The following PLCB1 variants were observed in gnomAD, a reference collection of about 807,000 sequenced individuals.
The protein encoded by PLCB1 is phospholipase C beta 1.
A neutral mutation model predicts 161.8 loss-of-function variants in PLCB1; 46 were observed. The observed-to-expected ratio is 0.28, with a 90% CI of 0.22 to 0.36. The LOEUF is 0.36. Among genes scored for constraint, PLCB1 ranks in the 10% least tolerant of loss-of-function variants. PLCB1 has a pLI of 1.00. For missense variants in PLCB1, 1,016 were observed against 1,472.5 expected, an observed-to-expected ratio of 0.69 and a Z score of 5.07; for synonymous variants, 517 against 503.7, an observed-to-expected ratio of 1.03 and a Z score of -0.35.
At position 8,732,337 on chromosome 20, in the gene PLCB1, G is replaced by C. The variant is rs551614622; in HGVS notation, c.1889-901G>C. On this transcript the variant is annotated intron_variant, in intron 18 of 31. Coordinates refer to ENST00000338037, the MANE Select transcript of PLCB1 (RefSeq NM_015192.4). ...TTTAAGCTTTCTGAAGGGCATTTTA[G>C]CAAGGCATCAAAGAAAAATTTTCCA... Among the ~76,000 whole-genome samples the C allele has an allele frequency of 2.5e-4, 38 of 152,066 alleles. No homozygotes were observed. In the East Asian group the frequency reaches 3.5e-3, roughly 14 times the overall value.
chr20:8,820,995 A>G (rs1214608223), intron 31 of PLCB1, among the ~76,000 whole-genome samples: 1 of 152,182 alleles, frequency 6.6e-6, no homozygotes, highest in African/African-American at 2.4e-5. Context: ...CAATAAAACC[A>G]AAAAATTCAA....
At chr20:8,746,816 G>T (rs569097608) in intron 23 of PLCB1, among the ~76,000 whole-genome samples, 1 of 152,308 alleles carries the variant, frequency 6.6e-6, no homozygotes, top group East Asian at 1.9e-4. Flanking sequence ...AGGCAATCTG[G>T]TTCTGCAACT....
intron 3 of PLCB1, among the ~76,000 whole-genome samples, chr20:8,560,551 C>A (rs372866855): frequency 6.6e-6 from 1 of 152,124 alleles, no homozygotes; most frequent in Admixed American, 6.6e-5. Context: ...TGTTGAAAAA[C>A]GTCTAGTGTT....
chr20:8,763,455 G>T (rs900160032), intron 25 of PLCB1, among the ~76,000 whole-genome samples: 1 of 152,010 alleles, frequency 6.6e-6, no homozygotes, highest in African/African-American at 2.4e-5. Flanking sequence ...GCACAATCTT[G>T]GCTCACTGCA....
chr20:8,597,037 G>A (rs1358085428), intron 3 of PLCB1, among the ~76,000 whole-genome samples: 2 of 133,236 alleles, frequency 1.5e-5, no homozygotes, highest in East Asian at 5.3e-4. Flanking sequence ...ATACAGTCAT[G>A]TCGTCTGCGA....
At chr20:8,870,133 G>A (rs1987562610) in intron 31 of PLCB1, among the ~76,000 whole-genome samples, 1 of 152,156 alleles carries the variant, frequency 6.6e-6, no homozygotes, top group Non-Finnish European at 1.5e-5. Flanking sequence ...TAAAGCAAAG[G>A]CTCTGGGTAC....
At position 8,233,603 on chromosome 20, in the gene PLCB1, A is replaced by G. The variant is rs376474069; in HGVS notation, c.177+83232A>G. The stretch of plus-strand genomic sequence containing the variant: ...TACACTCTTCTAAATAGTATAGCTC[A>G]GTGAGTTTTTACAAGATGAGCACAT... On this transcript the variant is annotated intron_variant, in intron 2 of 31. Transcript: ENST00000338037. Among the ~76,000 whole-genome samples the G allele has an allele frequency of 6.0e-4, 91 of 152,290 alleles. 1 individual carries two copies. Among genetic ancestry groups the G allele is most frequent in the African/African-American group, 2.1e-3 (88 of 41,576 alleles).
intron 3 of PLCB1, among the ~76,000 whole-genome samples, chr20:8,601,067 C>A (rs544755143): frequency 6.6e-6 from 1 of 150,616 alleles, no homozygotes; most frequent in African/African-American, 2.4e-5. Flanking sequence ...TCTTCTGCGT[C>A]GCTCACGCTG....
In PLCB1 at chr20:8,151,971, T is replaced by C. The variant is rs568162552; in HGVS notation, c.177+1600T>C. 2.6e-5 allele frequency among the ~76,000 whole-genome samples: 4 copies of C among 152,348 alleles called. No homozygotes were observed. In the East Asian group the frequency reaches 7.7e-4, roughly 29 times the overall value. ...GACCAAAGGCTCTTTGTTGCATTTC[T>C]GTTGTGAACCCAGTATTTTGACCCA... is the stretch of plus-strand genomic sequence containing the variant. On this transcript the variant is annotated intron_variant, in intron 2 of 31. Coordinates refer to ENST00000338037, the MANE Select transcript of PLCB1 (RefSeq NM_015192.4).
intron 2 of PLCB1, among the ~76,000 whole-genome samples, chr20:8,240,480 G>A (rs1427208592): frequency 2.0e-5 from 3 of 151,780 alleles, no homozygotes; most frequent in African/African-American, 7.3e-5. Context: ...TCACATGGAT[G>A]CGCCATCATT....
At chr20:8,762,946 C>G (rs1322617080) in intron 25 of PLCB1, among the ~76,000 whole-genome samples, 1 of 151,920 alleles carries the variant, frequency 6.6e-6, no homozygotes, top group African/African-American at 2.4e-5. Context: ...TTTTTGTTCC[C>G]AGAAGCAGGA....
At chr20:8,535,202 C>CAAA (rs11323420) in intron 3 of PLCB1, among the ~76,000 whole-genome samples, 3,655 of 52,816 alleles carry the variant, frequency 0.069, 151 homozygotes, top group Admixed American at 0.12. Flanking sequence ...AGTTTATGGG[C>CAAA]AAAAAAAAAA....
At chr20:8,349,300 TGAAA>T (rs1461960568) in intron 2 of PLCB1, among the ~76,000 whole-genome samples, 3 of 152,156 alleles carry the variant, frequency 2.0e-5, no homozygotes, top group Admixed American at 2.0e-4. Context: ...GTCAGTAAAA[TGAAA>T]GAGTTTTAGG....
At chr20:8,756,979 T>C in intron 23 of PLCB1, 67 bp from the exon 24 acceptor site, 1 of 1,409,662 alleles carries the variant, frequency 7.1e-7, no homozygotes, top group South Asian at 1.4e-5. Context: ...TGTAGCCTTG[T>C]TGGTTTAGGA....
intron 26 of PLCB1, among the ~76,000 whole-genome samples, chr20:8,769,818 T>C (rs1982573047): frequency 6.6e-6 from 1 of 152,254 alleles, no homozygotes; most frequent in African/African-American, 2.4e-5. Flanking sequence ...TAATCTTCTT[T>C]TGATGCCAAG....
intron 2 of PLCB1, among the ~76,000 whole-genome samples, chr20:8,320,515 C>T (rs1273667253): frequency 1.3e-5 from 2 of 152,294 alleles, no homozygotes; most frequent in Non-Finnish European, 2.9e-5. Flanking sequence ...GCTCCAGGCT[C>T]AGAACCCTAA....
chr20:8,777,234 G>A (rs1357798904), intron 27 of PLCB1, among the ~76,000 whole-genome samples: 1 of 152,088 alleles, frequency 6.6e-6, no homozygotes, highest in East Asian at 1.9e-4. Flanking sequence ...TTGAGCAGAG[G>A]ATTGATGTGA....
intron 3 of PLCB1, among the ~76,000 whole-genome samples, chr20:8,529,062 A>G (rs1034110142): frequency 4.0e-5 from 6 of 149,790 alleles, no homozygotes; most frequent in African/African-American, 1.3e-4. Flanking sequence ...ATCATATATC[A>G]AAATCACACA....
At chr20:8,354,012 G>A (rs529880393) in intron 2 of PLCB1, among the ~76,000 whole-genome samples, 1 of 150,164 alleles carries the variant, frequency 6.7e-6, no homozygotes, top group South Asian at 2.1e-4. Context: ...AGAATAGAAG[G>A]CTATTTAAAA....
Sources: allele counts gnomAD v4.1 joint callset (sites outside exome capture counted in the v4.1 genomes callset), GRCh38; gene constraint gnomAD v4.1.1; transcripts MANE v1.5; gene names NCBI Gene and HGNC (gene_info 2026-07-23, HGNC 2026-07-21).